The following LTV1 variants were observed in gnomAD, a reference collection of about 807,000 sequenced individuals.
LTV1 encodes LTV1 ribosome biogenesis factor, also known as protein LTV1 homolog.
In LTV1, 39 loss-of-function variants were observed where a neutral mutation model predicts 59.9. The observed-to-expected ratio is 0.65, with a 90% CI of 0.50 to 0.85. The LOEUF (loss-of-function observed/expected upper bound fraction) is 0.85. LTV1 is among the 40% of genes least tolerant of loss of function. The pLI, the probability that LTV1 is intolerant of heterozygous loss-of-function variation, is 0.00. For missense variants in LTV1, 493 were observed against 549.1 expected (o/e 0.90, Z 1.02); for synonymous variants, 171 against 189.5 (o/e 0.90, Z 0.80).
chr6:143,860,438 T>C lies in LTV1; in HGVS notation c.808T>C (p.Tyr270His). 1.2e-6 allele frequency: 2 copies of C among 1,613,250 alleles called. No homozygotes were observed. The highest frequency in any genetic ancestry group is 8.5e-7 in the Non-Finnish European group (1 of 1,179,566). Residue 270 changes from tyrosine to histidine, a missense_variant, in exon 7 of 11, where the codon TAT becomes CAT. Tyr to His is a moderately conservative substitution (Grantham distance 83). Transcript: ENST00000367576. ...GTTTATATTCAAGTTTTATGAGCAATATGATGATGATGAAATTGGAGCTCT... is the reference window on the plus strand; with the variant it reads ...GTTTATATTCAAGTTTTATGAGCAACATGATGATGATGAAATTGGAGCTCT... ...DERFEKFYEQYDDDEIGALDN... is the reference protein window; with the variant it reads ...DERFEKFYEQHDDDEIGALDN...
intron 1 of LTV1, among the ~76,000 whole-genome samples, chr6:143,843,835 C>T (rs1197683174): frequency 6.6e-6 from 1 of 152,230 alleles, no homozygotes; most frequent in Non-Finnish European, 1.5e-5. Flanking sequence ...TGGTCTCCCT[C>T]AGCGTTGGAG....
chr6:143,862,966 A>T lies in LTV1; in HGVS notation c.1116+70A>T. ...AAAATAGAGTGCACATTTTCGCACA[A>T]TAACTTTTTATCTTTATGGCTAGAG... On this transcript the variant is annotated intron_variant, in intron 9 of 10. Coordinates refer to ENST00000367576, the MANE Select transcript of LTV1 (RefSeq NM_032860.5). The surrounding 1 kb of genome is among the most constrained non-coding windows in gnomAD (Gnocchi z 4.2). 1 of 1,458,854 alleles carries T rather than the reference A, an allele frequency of 6.9e-7. No individual in the cohort carries two copies. The highest frequency in any genetic ancestry group is 9.6e-7 in the Non-Finnish European group (1 of 1,039,970). 90.4% of individuals were successfully genotyped at this position (1,458,854 alleles called of 1,614,324 possible).
At position 143,862,106 on chromosome 6, in the gene LTV1, G is replaced by A. The variant is rs780770471; in HGVS notation, c.926G>A (p.Cys309Tyr). 5.6e-6 allele frequency: 9 copies of A among 1,610,538 alleles called. No homozygotes were observed. In the African/African-American group the frequency reaches 8.0e-5, roughly 14 times the overall value. Residue 309 changes from cysteine (C) to tyrosine (Y), a missense_variant and splice_region_variant, in exon 8 of 11, where the codon TGT becomes TAT. Physicochemically the swap from Cys to Tyr is radical, Grantham distance 194. Transcript: ENST00000367576. This position sits in a 1 kb window ranked among gnomAD's most constrained non-coding sequence, Gnocchi z 4.2. ...ACTTTTAAAAACTCGTCTAAAAGTT[G>A]TGTAAAATTGAATACCCTTGAACCC... Reference protein sequence around the residue: ...NDYYKEKAENCVKLNTLEPLE... With the variant: ...NDYYKEKAENYVKLNTLEPLE...
rs147467403 is a variant in LTV1 at position 143,850,917 on chromosome 6, T to A, written c.397+699T>A. On this transcript the variant is annotated intron_variant, in intron 4 of 10. Transcript: ENST00000367576. Reference sequence around the variant, plus strand: ...AAATTACAGTATAGATGGATATTAATAGTGGGGTGAGTAGCACCAAACCCA... The same window carrying A: ...AAATTACAGTATAGATGGATATTAAAAGTGGGGTGAGTAGCACCAAACCCA... Among the ~76,000 whole-genome samples the A allele has an allele frequency of 2.1e-3, 318 of 152,142 alleles. 2 individuals are homozygous for A. Among genetic ancestry groups the A allele is most frequent in the African/African-American group, 7.4e-3 (309 of 41,524 alleles).
At chr6:143,850,932 C>T (rs897607422) in intron 4 of LTV1, among the ~76,000 whole-genome samples, 10 of 151,610 alleles carry the variant, frequency 6.6e-5, no homozygotes, top group Non-Finnish European at 1.3e-4. Flanking sequence ...GGGTGAGTAG[C>T]ACCAAACCCA....
Position 143,843,362 on chromosome 6 carries a change from G to A in LTV1, c.-116G>A. On this transcript the variant is annotated 5_prime_UTR_variant, in exon 1 of 11. Coordinates refer to ENST00000367576, the MANE Select transcript of LTV1 (RefSeq NM_032860.5). ...GGTGACGTTATCGCCGGGTCCTGGGGCTGCACGTGTGGTGAGGCCTACAGA... is the reference window on the plus strand; with the variant it reads ...GGTGACGTTATCGCCGGGTCCTGGGACTGCACGTGTGGTGAGGCCTACAGA... 7.8e-7 allele frequency: 1 copy of A among 1,277,728 alleles called. No homozygotes were observed. Among genetic ancestry groups the A allele is most frequent in the South Asian group, 1.2e-5 (1 of 84,532 alleles). 79.1% of individuals were successfully genotyped at this position (1,277,728 alleles called of 1,614,324 possible).
In LTV1 at chr6:143,862,532, G is replaced by A. The variant is rs1196279726; in HGVS notation, c.1063+289G>A. 6.6e-6 allele frequency among the ~76,000 whole-genome samples: 1 copy of A among 152,082 alleles called. No individual in the cohort carries two copies. Among genetic ancestry groups the A allele is most frequent in the East Asian group, 1.9e-4 (1 of 5,190 alleles). On this transcript the variant is annotated intron_variant, in intron 8 of 10. Transcript: ENST00000367576. This position sits in a 1 kb window ranked among gnomAD's most constrained non-coding sequence, Gnocchi z 4.2. ...ACCTGGGAGGCAGAGGTTGCAATGAGCCGAGATCATGCCATTGCACTCCAA... is the reference window on the plus strand; with the variant it reads ...ACCTGGGAGGCAGAGGTTGCAATGAACCGAGATCATGCCATTGCACTCCAA...
Position 143,858,321 on chromosome 6 carries a change from C to G in LTV1, c.795+314C>G, listed in dbSNP as rs1482348414. ...TGGCTCAAATGATGCCTCATTCAAC[C>G]TGAATGGGTAACCAAAAGTAGCTGT... On this transcript the variant is annotated intron_variant, in intron 6 of 10. Transcript: ENST00000367576. 1.9e-5 allele frequency: 5 copies of G among 268,330 alleles called. No homozygotes were observed. In the South Asian group the frequency reaches 2.4e-4, roughly 13 times the overall value. 16.6% of individuals were successfully genotyped at this position (268,330 alleles called of 1,614,324 possible). A position where few individuals can be genotyped will look rare whatever the true frequency, so the allele number is the denominator to read the frequency against.
At chr6:143,849,057 G>C (rs1484254950) in intron 3 of LTV1, among the ~76,000 whole-genome samples, 1 of 152,146 alleles carries the variant, frequency 6.6e-6, no homozygotes, top group Non-Finnish European at 1.5e-5. Context: ...GTGAAAAATT[G>C]AGACCTGTCA....
rs1294574663 is a variant in LTV1, at chr6:143,862,393, T to A, written c.1063+150T>A. The A allele has an allele frequency of 6.6e-6, 4 of 605,616 alleles. No homozygotes were observed. The African/African-American group carries it at 7.6e-5, about 11-fold the overall frequency. 37.5% of individuals were successfully genotyped at this position (605,616 alleles called of 1,614,324 possible). On this transcript the variant is annotated intron_variant, in intron 8 of 10. Transcript: ENST00000367576. This position sits in a 1 kb window ranked among gnomAD's most constrained non-coding sequence, Gnocchi z 4.2. ...TGATGTCAGGAGTTCAAGACCAGCC[T>A]GGCCAACATGGTGAAACCCCGTGTC...
chr6:143,858,412 C>CA, intron 6 of LTV1: 1 of 182,792 alleles, frequency 5.5e-6, no homozygotes, highest in Admixed American at 5.3e-5. Flanking sequence ...CCCTTAAAAC[C>CA]CCCAGAAGTG....
intron 4 of LTV1, among the ~76,000 whole-genome samples, chr6:143,851,091 G>A (rs952461888): frequency 6.6e-6 from 1 of 152,150 alleles, no homozygotes; most frequent in African/African-American, 2.4e-5. Context: ...GCAAGAGAAC[G>A]TGAATATAGG....
chr6:143,863,201 C>G lies in LTV1; in HGVS notation c.1232C>G (p.Pro411Arg), dbSNP rs781038774. The change falls in exon 10 of 11, where the codon CCT (proline) becomes CGT (arginine). Residue 411 changes from proline (P) to arginine (R), a missense_variant. By Grantham distance (103) the Pro-to-Arg change is moderately radical. Transcript: ENST00000367576. This position sits in a 1 kb window ranked among gnomAD's most constrained non-coding sequence, Gnocchi z 4.5. ...RIQMINGSDL[P>R]KVSTQPRSKN... ...CAGATGATTAATGGCAGTGATCTTCCTAAAGTATCAACTCAGCCACGTTCT... is the reference window on the plus strand; with the variant it reads ...CAGATGATTAATGGCAGTGATCTTCGTAAAGTATCAACTCAGCCACGTTCT... 7 of 1,613,798 alleles carry G rather than the reference C, an allele frequency of 4.3e-6. 1 individual carries two copies. The South Asian group carries it at 6.6e-5, about 15-fold the overall frequency.
rs574167966 is a variant in LTV1, at chr6:143,856,578, A to G, written c.398-725A>G. 1.6e-3 allele frequency among the ~76,000 whole-genome samples: 245 copies of G among 152,130 alleles called. 1 individual carries two copies. The highest frequency in any genetic ancestry group is 5.5e-3 in the African/African-American group (229 of 41,492). Reference sequence around the variant, plus strand: ...TTTCCTCATCTTCTTGGATTTATCTACCTTTGGTCATTGTTGTTGGTGACC... The same window carrying G: ...TTTCCTCATCTTCTTGGATTTATCTGCCTTTGGTCATTGTTGTTGGTGACC... On this transcript the variant is annotated intron_variant, in intron 4 of 10. Transcript: ENST00000367576.
In LTV1 at chr6:143,849,230, G is replaced by C. The variant is rs1318675670; in HGVS notation, c.310-901G>C. 3.9e-5 allele frequency among the ~76,000 whole-genome samples: 6 copies of C among 152,300 alleles called. No individual in the cohort carries two copies. In the South Asian group the frequency reaches 1.0e-3, roughly 26 times the overall value. On this transcript the variant is annotated intron_variant, in intron 3 of 10. Transcript: ENST00000367576. The stretch of plus-strand genomic sequence containing the variant: ...CCCCAAAGAATAGAGTGAAATCACT[G>C]TATGTAAGAGATTTCAAGGGGACAT...
chr6:143,862,853 C>A lies in LTV1; in HGVS notation c.1073C>A (p.Ser358Ter). The change falls in exon 9 of 11, where the codon TCA (serine) becomes TAA (stop). Residue 358 changes from serine to a stop codon, truncating the protein, a stop_gained. Coordinates refer to ENST00000367576, the MANE Select transcript of LTV1 (RefSeq NM_032860.5). LOFTEE classifies it high-confidence loss of function. The surrounding 1 kb of genome is among the most constrained non-coding windows in gnomAD (Gnocchi z 4.2). ...TTATTTGTTTGTTTAGGTACATACT[C>A]AAATTTATATAACCATCCACAGCTT... ...WDCESICSTY[S>*]NLYNHPQLIK... 1 of 1,583,018 alleles carries A rather than the reference C, an allele frequency of 6.3e-7. No homozygotes were observed. The highest frequency in any genetic ancestry group is 1.1e-5 in the South Asian group (1 of 90,352).
At position 143,863,099 on chromosome 6, in the gene LTV1, G is replaced by T. The variant is rs148483467; in HGVS notation, c.1130G>T (p.Arg377Leu). The T allele has an allele frequency of 5.0e-6, 8 of 1,613,388 alleles. No homozygotes were observed. The African/African-American group carries it at 5.3e-5, about 11-fold the overall frequency. Residue 377 changes from arginine to leucine, a missense_variant, in exon 10 of 11, where the codon CGA (arginine) becomes CTA (leucine). By Grantham distance (102) the Arg-to-Leu change is moderately radical. Transcript: ENST00000367576. The surrounding 1 kb of genome is among the most constrained non-coding windows in gnomAD (Gnocchi z 4.5). ...IKYQPKPKQI[R>L]ISSKTGIPLN... ...TCTGTATTTCAGCCCAAACAAATTC[G>T]AATATCTTCTAAAACAGGAATACCT...
At position 143,863,173 on chromosome 6, in the gene LTV1, A is replaced by C; in HGVS notation, c.1204A>C (p.Ile402Leu). Residue 402 changes from isoleucine (I) to leucine (L), a missense_variant, in exon 10 of 11, where the codon ATA (isoleucine) becomes CTA (leucine). Coordinates refer to ENST00000367576, the MANE Select transcript of LTV1 (RefSeq NM_032860.5). The surrounding 1 kb of genome is among the most constrained non-coding windows in gnomAD (Gnocchi z 4.5). ...KGLTAKQTER[I>L]QMINGSDLPK... Reference sequence around the variant, plus strand: ...ACTCACAGCAAAGCAAACTGAAAGAATACAGATGATTAATGGCAGTGATCT... The same window carrying C: ...ACTCACAGCAAAGCAAACTGAAAGACTACAGATGATTAATGGCAGTGATCT... 6.2e-7 allele frequency: 1 copy of C among 1,614,014 alleles called. No individual in the cohort carries two copies. Among genetic ancestry groups the C allele is most frequent in the Non-Finnish European group, 8.5e-7 (1 of 1,179,908 alleles).
intron 3 of LTV1, among the ~76,000 whole-genome samples, chr6:143,849,490 C>A (rs1273818575): frequency 6.6e-6 from 1 of 152,036 alleles, no homozygotes; most frequent in Non-Finnish European, 1.5e-5. Flanking sequence ...AGTTTTTGTT[C>A]TTTTGGTAAA....
Sources: allele counts gnomAD v4.1 joint callset (sites outside exome capture counted in the v4.1 genomes callset), GRCh38; gene constraint gnomAD v4.1.1; non-coding constraint Gnocchi (gnomAD v3.1); transcripts MANE v1.5; gene names NCBI Gene and HGNC (gene_info 2026-07-23, HGNC 2026-07-21).